ARHGAP26: variants seen among roughly 807,000 people sequenced by gnomAD.
ARHGAP26 encodes the protein rho GTPase-activating protein 26.
ARHGAP26 carries 38 observed loss-of-function variants against 104.8 expected under a neutral mutation model. The ratio of observed to expected loss-of-function variants is 0.36; its 90% confidence interval spans 0.28 to 0.48. ARHGAP26 has a LOEUF of 0.48. Ranked by LOEUF, ARHGAP26 falls within the 20% of genes least tolerant of loss-of-function variation. ARHGAP26 has a pLI of 0.99. For missense variants in ARHGAP26, 704 were observed against 947.9 expected (o/e 0.74, Z 3.38); for synonymous variants, 341 against 340.0 (o/e 1.00, Z -0.03).
chr5:143,102,394 G>T (rs715366), intron 17 of ARHGAP26, among the ~76,000 whole-genome samples: 13,715 of 152,090 alleles, frequency 0.09, 945 homozygotes, highest in East Asian at 0.21. Context: ...CCTCAGTGTC[G>T]GCCCCAAACA....
intron 12 of ARHGAP26, among the ~76,000 whole-genome samples, chr5:143,016,618 G>A (rs186795328): frequency 6.7e-6 from 1 of 148,690 alleles, no homozygotes; most frequent in Admixed American, 6.8e-5. Flanking sequence ...CAGGAGAATC[G>A]CTTGAACCTG....
At chr5:143,141,611 G>A (rs1017881175) in intron 19 of ARHGAP26, among the ~76,000 whole-genome samples, 30 of 152,250 alleles carry the variant, frequency 2.0e-4, no homozygotes, top group African/African-American at 6.3e-4. Flanking sequence ...TGTGAGTCAT[G>A]GTATAAAAGT....
chr5:142,815,776 A>C (rs538118436), intron 1 of ARHGAP26, among the ~76,000 whole-genome samples: 1 of 152,068 alleles, frequency 6.6e-6, no homozygotes, highest in African/African-American at 2.4e-5. Flanking sequence ...TTCCTGGTCC[A>C]TCTGTGCTAC....
Position 142,871,559 on chromosome 5 carries a change from C to T in ARHGAP26, c.155-1841C>T, listed in dbSNP as rs1755310615. On this transcript the variant is annotated intron_variant, in intron 1 of 22. Transcript: ENST00000645722. This position sits in a 1 kb window ranked among gnomAD's most constrained non-coding sequence, Gnocchi z 4.1. ...TAAAATGGGAATGTGTATAACCACA[C>T]CCACATTTGATGCACACACATTTGG... is the stretch of plus-strand genomic sequence containing the variant. Among the ~76,000 whole-genome samples, 1 of 152,196 alleles carries T rather than the reference C, an allele frequency of 6.6e-6. No homozygotes were observed. The highest frequency in any genetic ancestry group is 1.5e-5 in the Non-Finnish European group (1 of 68,022).
chr5:142,929,575 C>T (rs1764418329), intron 10 of ARHGAP26, among the ~76,000 whole-genome samples: 1 of 152,204 alleles, frequency 6.6e-6, no homozygotes, highest in Non-Finnish European at 1.5e-5. Context: ...TACCCCACTT[C>T]CCCTGTAAAA....
At chr5:143,167,969 A>G (rs1802241102) in intron 20 of ARHGAP26, among the ~76,000 whole-genome samples, 1 of 152,244 alleles carries the variant, frequency 6.6e-6, no homozygotes, top group Non-Finnish European at 1.5e-5. Flanking sequence ...ACAGAAACAT[A>G]AAGTACTTGT....
intron 1 of ARHGAP26, among the ~76,000 whole-genome samples, chr5:142,802,774 A>G (rs1762314546): frequency 6.6e-6 from 1 of 152,206 alleles, no homozygotes; most frequent in Non-Finnish European, 1.5e-5. Context: ...AGTAGACAGT[A>G]GACCAAGTCT....
chr5:143,209,552 G>T (rs2151370222), intron 21 of ARHGAP26, among the ~76,000 whole-genome samples: 1 of 152,258 alleles, frequency 6.6e-6, no homozygotes, highest in Non-Finnish European at 1.5e-5. Flanking sequence ...AGGCCAAGGT[G>T]GGGAGATCAC....
At chr5:143,022,441 G>A (rs1780486451) in intron 12 of ARHGAP26, among the ~76,000 whole-genome samples, 1 of 152,178 alleles carries the variant, frequency 6.6e-6, no homozygotes, top group Non-Finnish European at 1.5e-5. Context: ...GGGCCAGATA[G>A]TAAATATTTT....
At chr5:142,941,027 A>T (rs914863971) in intron 11 of ARHGAP26, among the ~76,000 whole-genome samples, 1 of 137,350 alleles carries the variant, frequency 7.3e-6, no homozygotes, top group Admixed American at 8.1e-5. Context: ...GTGAGCCGAG[A>T]TCATGCCACT....
intron 20 of ARHGAP26, among the ~76,000 whole-genome samples, chr5:143,152,083 G>A (rs1457151814): frequency 6.6e-6 from 1 of 152,190 alleles, no homozygotes; most frequent in African/African-American, 2.4e-5. Flanking sequence ...GGGAGAGGAA[G>A]AGGGATGAAT....
chr5:143,154,044 A>G (rs898287995), intron 20 of ARHGAP26, among the ~76,000 whole-genome samples: 3 of 152,126 alleles, frequency 2.0e-5, no homozygotes, highest in African/African-American at 7.2e-5. Context: ...ATATCTCTCA[A>G]ATTTTACTAA....
At chr5:142,794,941 A>G (rs1233521934) in intron 1 of ARHGAP26, among the ~76,000 whole-genome samples, 3 of 152,214 alleles carry the variant, frequency 2.0e-5, no homozygotes, top group East Asian at 1.9e-4. Context: ...GATGTCTCGT[A>G]TAATGGATTA....
chr5:142,891,448 G>A (rs552989611), intron 5 of ARHGAP26, among the ~76,000 whole-genome samples: 3 of 151,848 alleles, frequency 2.0e-5, no homozygotes, highest in Non-Finnish European at 2.9e-5. Context: ...TATTCTTTCG[G>A]GGTGTTTTAT....
At chr5:143,089,767 C>T (rs56394028) in intron 17 of ARHGAP26, among the ~76,000 whole-genome samples, 12,977 of 152,154 alleles carry the variant, frequency 0.085, 984 homozygotes, top group East Asian at 0.29. Flanking sequence ...TATTTTATTT[C>T]GGGCTTGAAA....
At chr5:143,217,086 A>G (rs770869840) in intron 22 of ARHGAP26, among the ~76,000 whole-genome samples, 6 of 152,146 alleles carry the variant, frequency 3.9e-5, no homozygotes, top group Non-Finnish European at 8.8e-5. Flanking sequence ...TGTAGTTGTC[A>G]GATTAAATGA....
intron 20 of ARHGAP26, among the ~76,000 whole-genome samples, chr5:143,180,027 G>A (rs1235300508): frequency 1.3e-5 from 2 of 152,168 alleles, no homozygotes; most frequent in Non-Finnish European, 2.9e-5. Context: ...CACTCTTGAA[G>A]TTTTCTGGAC....
chr5:143,041,900 G>T lies in ARHGAP26; in HGVS notation c.1285+10G>T. The T allele has an allele frequency of 6.3e-7, 1 of 1,577,336 alleles. No homozygotes were observed. The highest frequency in any genetic ancestry group is 8.6e-7 in the Non-Finnish European group (1 of 1,160,754). ...CTGAGTGTCCTGATGGGTGAGTGCC[G>T]CAGTGGCTCTGCTAGGCAGGTCCCT... On this transcript the variant is annotated intron_variant, in intron 14 of 22. Coordinates refer to ENST00000645722, the MANE Select transcript of ARHGAP26 (RefSeq NM_001135608.3).
chr5:143,134,088 T>G lies in ARHGAP26; in HGVS notation c.1820T>G (p.Val607Gly). Reference sequence around the variant, plus strand: ...AGGCCCCTGACGCTCTTCCACACCGTTCAGTCAACAGAGAAACGTGAGTCT... The same window carrying G: ...AGGCCCCTGACGCTCTTCCACACCGGTCAGTCAACAGAGAAACGTGAGTCT... Reference protein sequence around the residue: ...SERPLTLFHTVQSTEKQEQRN... With the variant: ...SERPLTLFHTGQSTEKQEQRN... Residue 607 changes from valine (V) to glycine (G), a missense_variant, in exon 19 of 23, where the codon GTT (valine) becomes GGT (glycine). By Grantham distance (109) the Val-to-Gly change is moderately radical. This residue lies in a region of ARHGAP26 where 217 missense variants were observed against 242.6 expected (regional missense o/e 0.89). Coordinates refer to ENST00000645722, the MANE Select transcript of ARHGAP26 (RefSeq NM_001135608.3). 1 of 1,610,422 alleles carries G rather than the reference T, an allele frequency of 6.2e-7. No individual in the cohort carries two copies. Among genetic ancestry groups the G allele is most frequent in the Non-Finnish European group, 8.5e-7 (1 of 1,178,092 alleles).
Sources: allele counts gnomAD v4.1 joint callset (sites outside exome capture counted in the v4.1 genomes callset), GRCh38; gene constraint gnomAD v4.1.1; regional missense constraint gnomAD v4.1.1; non-coding constraint Gnocchi (gnomAD v3.1); transcripts MANE v1.5; gene names NCBI Gene and HGNC (gene_info 2026-07-23, HGNC 2026-07-21).